Variants in COL14A1 observed in about 807,000 individuals in gnomAD.
The protein encoded by COL14A1 is collagen alpha-1(XIV) chain.
In COL14A1, 136 loss-of-function variants were observed where a neutral mutation model predicts 230.3. That is an observed-to-expected ratio of 0.59 (90% CI 0.51 to 0.68). The LOEUF (loss-of-function observed/expected upper bound fraction) is 0.68, where lower values mean the gene tolerates loss of function less well. Among genes scored for constraint, COL14A1 ranks in the 30% least tolerant of loss-of-function variants. The probability of loss-of-function intolerance (pLI) is 0.00; values close to 1 mark genes in which losing one functional copy is unlikely to be tolerated. For missense variants in COL14A1, 1,976 were observed against 2,215.8 expected (o/e 0.89, Z 2.17); for synonymous variants, 792 against 784.1 (o/e 1.01, Z -0.17).
At chr8:120,347,182 C>T (rs1356755911) in intron 45 of COL14A1, among the ~76,000 whole-genome samples, 1 of 152,138 alleles carries the variant, frequency 6.6e-6, no homozygotes, top group African/African-American at 2.4e-5. Flanking sequence ...CGAGTCTCTC[C>T]TGCTCTGCAA....
intron 5 of COL14A1, among the ~76,000 whole-genome samples, chr8:120,195,099 T>TC (rs1180024442): frequency 1.3e-5 from 2 of 152,182 alleles, no homozygotes; most frequent in Non-Finnish European, 2.9e-5. Context: ...ATTGGCAAAT[T>TC]CATTTTTTCC....
chr8:120,169,160 A>G (rs1816020196), intron 5 of COL14A1, among the ~76,000 whole-genome samples: 1 of 152,062 alleles, frequency 6.6e-6, no homozygotes, highest in Admixed American at 6.5e-5. Context: ...CCTGCCGATT[A>G]TTCCCCTTTT....
rs147927854 is a variant in COL14A1 at position 120,303,045 on chromosome 8, C to T, written c.4401+2227C>T. ...CTTGGTTTGGCTCTTAGCTTGGCTG[C>T]TGTTGGTGTATAGGGATGTTAGTGA... On this transcript the variant is annotated intron_variant, in intron 36 of 47. Transcript: ENST00000297848. 3.4e-3 allele frequency among the ~76,000 whole-genome samples: 519 copies of T among 152,006 alleles called. 15 individuals carry two copies. The East Asian group carries it at 0.082, about 24-fold the overall frequency.
At chr8:120,318,408 A>T (rs2130130129) in intron 40 of COL14A1, among the ~76,000 whole-genome samples, 1 of 152,302 alleles carries the variant, frequency 6.6e-6, no homozygotes, top group African/African-American at 2.4e-5. Context: ...GTAGAGAAGG[A>T]AAGAAGAAAT....
chr8:120,312,250 T>C lies in COL14A1; in HGVS notation c.4456-1682T>C, dbSNP rs966583465. 5.9e-5 allele frequency among the ~76,000 whole-genome samples: 9 copies of C among 152,128 alleles called. 1 individual carries two copies. In the South Asian group the frequency reaches 1.0e-3, roughly 17 times the overall value. On this transcript the variant is annotated intron_variant, in intron 37 of 47. Transcript: ENST00000297848. Reference sequence around the variant, plus strand: ...GCTCCCTCCCTCTCCCTTCCTCTTATGCCATGCTCCTTGTAAGAATAGTTA... The same window carrying C: ...GCTCCCTCCCTCTCCCTTCCTCTTACGCCATGCTCCTTGTAAGAATAGTTA...
rs147964908 is a variant in COL14A1 at position 120,305,524 on chromosome 8, T to A, written c.4402-4485T>A. Among the ~76,000 whole-genome samples the A allele has an allele frequency of 8.1e-3, 1,226 of 152,268 alleles. 19 individuals are homozygous for A. Among genetic ancestry groups the A allele is most frequent in the African/African-American group, 0.027 (1,135 of 41,566 alleles). ...TTTATTTGCGACATTTCATTGTCTT[T>A]ATATTTATATTTTAGATATTTCTCT... is the stretch of plus-strand genomic sequence containing the variant. On this transcript the variant is annotated intron_variant, in intron 36 of 47. Transcript: ENST00000297848.
At chr8:120,341,587 A>C (rs1822300254) in intron 43 of COL14A1, among the ~76,000 whole-genome samples, 1 of 152,212 alleles carries the variant, frequency 6.6e-6, no homozygotes, top group African/African-American at 2.4e-5. Context: ...ATCTGCTACC[A>C]TCCAGGTCAA....
rs1820399781 is a variant in COL14A1, at chr8:120,292,350, T to C, written c.4236+2584T>C. On this transcript the variant is annotated intron_variant, in intron 34 of 47. Transcript: ENST00000297848. ...ACTAGTAGTAGACAAAGGAGAATTATAGAAGTCAATAATTAAAGAGTTCTT... is the reference window on the plus strand; with the variant it reads ...ACTAGTAGTAGACAAAGGAGAATTACAGAAGTCAATAATTAAAGAGTTCTT... 2.6e-5 allele frequency among the ~76,000 whole-genome samples: 4 copies of C among 152,250 alleles called. No individual in the cohort carries two copies. In the South Asian group the frequency reaches 6.2e-4, roughly 24 times the overall value.
chr8:120,370,804 G>A, intron 47 of COL14A1: 1 of 1,376,986 alleles, frequency 7.3e-7, no homozygotes, highest in South Asian at 1.2e-5. Flanking sequence ...TCCCCTCCCT[G>A]CTCTTCCCTG....
chr8:120,207,037 A>G lies in COL14A1; in HGVS notation c.1134A>G (p.Gly378=). The G allele has an allele frequency of 3.7e-6, 6 of 1,613,936 alleles. No homozygotes were observed. Among genetic ancestry groups the G allele is most frequent in the Non-Finnish European group, 5.1e-6 (6 of 1,179,930 alleles). Residue 378 remains glycine, a synonymous_variant, in exon 10 of 48, where the codon GGA becomes GGG. Coordinates refer to ENST00000297848, the MANE Select transcript of COL14A1 (RefSeq NM_021110.4). ...TGGTTAACTGGACTCATGCCCCAGG[A>G]AATGTGGAAAAATACAGAGTTGTGT... The part of the protein sequence containing the change: ...SFMVNWTHAP[G]NVEKYRVVYY...
intron 18 of COL14A1, among the ~76,000 whole-genome samples, chr8:120,229,199 G>A (rs1039286683): frequency 6.6e-5 from 10 of 150,380 alleles, no homozygotes; most frequent in Admixed American, 1.3e-4. Flanking sequence ...CCATGCTGGT[G>A]CACTGCACAC....
chr8:120,159,145 A>T (rs1263457833), intron 3 of COL14A1, among the ~76,000 whole-genome samples: 1 of 152,236 alleles, frequency 6.6e-6, no homozygotes, highest in Non-Finnish European at 1.5e-5. Context: ...GATCAGCAGC[A>T]TTGGCATTAC....
rs184126258 is a variant in COL14A1, at chr8:120,334,841, C to A, written c.4785+2106C>A. On this transcript the variant is annotated intron_variant, in intron 42 of 47. Transcript: ENST00000297848. ...ACATGACCCTAACTAGTTGTGTAAGCCACATGCACAGAAACTGCATGCCTA... is the reference window on the plus strand; with the variant it reads ...ACATGACCCTAACTAGTTGTGTAAGACACATGCACAGAAACTGCATGCCTA... 1.3e-4 allele frequency among the ~76,000 whole-genome samples: 20 copies of A among 152,288 alleles called. No homozygotes were observed. In the East Asian group the frequency reaches 3.5e-3, roughly 26 times the overall value.
intron 44 of COL14A1, among the ~76,000 whole-genome samples, chr8:120,345,005 A>G (rs1335521211): frequency 3.3e-5 from 5 of 152,146 alleles, no homozygotes; most frequent in Admixed American, 3.3e-4. Flanking sequence ...GCGTTTTAGA[A>G]AAGAAAAATA....
intron 34 of COL14A1, among the ~76,000 whole-genome samples, chr8:120,290,916 C>A (rs1291211409): frequency 6.6e-6 from 1 of 152,192 alleles, no homozygotes; most frequent in East Asian, 1.9e-4. Flanking sequence ...TAGTTTAACA[C>A]TTACAGTTGA....
chr8:120,327,175 G>C (rs769214122), intron 40 of COL14A1, among the ~76,000 whole-genome samples: 27 of 152,214 alleles, frequency 1.8e-4, no homozygotes, highest in Non-Finnish European at 3.7e-4. Flanking sequence ...AGTGGATGCT[G>C]TTGGTGCCCT....
At chr8:120,265,000 C>G (rs1250699690) in intron 24 of COL14A1, among the ~76,000 whole-genome samples, 3 of 152,156 alleles carry the variant, frequency 2.0e-5, no homozygotes, top group Non-Finnish European at 4.4e-5. Flanking sequence ...TTGGAGGCAT[C>G]TGTCTTCTTG....
chr8:120,161,898 G>A (rs1179433680), intron 3 of COL14A1, among the ~76,000 whole-genome samples: 1 of 152,118 alleles, frequency 6.6e-6, no homozygotes, highest in Non-Finnish European at 1.5e-5. Context: ...CCCCTGACCT[G>A]AGGTGATCTG....
chr8:120,293,600 C>T (rs1216262210), intron 34 of COL14A1, among the ~76,000 whole-genome samples: 2 of 151,752 alleles, frequency 1.3e-5, no homozygotes, highest in Non-Finnish European at 3.0e-5. Flanking sequence ...AGTGAGAGTA[C>T]TGAAATAAGA....
Sources: gnomAD v4.1 joint callset for allele counts (sites outside exome capture counted in the v4.1 genomes callset) on GRCh38, gnomAD v4.1.1 for gene constraint, MANE v1.5 for transcripts, NCBI Gene and HGNC (gene_info 2026-07-23, HGNC 2026-07-21) for gene names.